The following ACVR1B variants were observed in gnomAD, a reference collection of about 807,000 sequenced individuals.
ACVR1B encodes the protein activin receptor type-1B.
ACVR1B carries 15 observed loss-of-function variants against 55.6 expected under a neutral mutation model. That is an observed-to-expected ratio of 0.27 (90% CI 0.18 to 0.42). The LOEUF (loss-of-function observed/expected upper bound fraction) is 0.42, where lower values mean the gene tolerates loss of function less well. ACVR1B is among the 10% of genes least tolerant of loss of function. The probability of loss-of-function intolerance (pLI) is 1.00; values close to 1 mark genes in which losing one functional copy is unlikely to be tolerated. For synonymous variants in ACVR1B, 247 were observed against 254.6 expected, an observed-to-expected ratio of 0.97 and a Z score of 0.28; for missense variants, 359 against 670.1, an observed-to-expected ratio of 0.54 and a Z score of 5.13.
chr12:51,964,962 A>G (rs1337756356), intron 1 of ACVR1B, among the ~76,000 whole-genome samples: 1 of 151,676 alleles, frequency 6.6e-6, no homozygotes, highest in Non-Finnish European at 1.5e-5. Context: ...TTCCATATGA[A>G]TTTTGGGATC....
In ACVR1B at chr12:51,985,289, T is replaced by A. The variant is rs1235502522; in HGVS notation, c.1077T>A (p.Arg359=). ...CAIADLGLAV[R]HDAVTDTIDI... is the part of the protein sequence containing the mutation. The stretch of plus-strand genomic sequence containing the variant: ...TAGCAGACCTGGGCCTGGCTGTCCG[T>A]CATGATGCAGTCACTGACACCATTG... Residue 359 remains arginine, a synonymous_variant, in exon 6 of 9, where the codon CGT becomes CGA. Transcript: ENST00000257963. The A allele has an allele frequency of 6.2e-7, 1 of 1,613,938 alleles. No individual in the cohort carries two copies. The highest frequency in any genetic ancestry group is 1.7e-5 in the Admixed American group (1 of 59,982).
intron 1 of ACVR1B, among the ~76,000 whole-genome samples, chr12:51,967,169 G>A (rs1941657978): frequency 6.6e-6 from 1 of 152,092 alleles, no homozygotes; most frequent in African/African-American, 2.4e-5. Context: ...GAACCCAGGA[G>A]GCAGAGTTTG....
Position 51,985,473 on chromosome 12 carries a change from A to G in ACVR1B, c.1136+125A>G, listed in dbSNP as rs1476787051. The G allele has an allele frequency of 1.2e-5, 14 of 1,153,266 alleles. No homozygotes were observed. In the East Asian group the frequency reaches 2.2e-4, roughly 18 times the overall value. The allele number at this position is 1,153,266 out of a possible 1,614,324, so 71.4% of individuals were successfully genotyped here. On this transcript the variant is annotated intron_variant, in intron 6 of 8. Coordinates refer to ENST00000257963, the MANE Select transcript of ACVR1B (RefSeq NM_004302.5). ...GAGGCGAGGACCTTGCTCTCAGCCC[A>G]CTGAAAGTTGAATTGAACATGCACT...
At chr12:51,989,112 C>G (rs1020868267) in intron 7 of ACVR1B, among the ~76,000 whole-genome samples, 1 of 151,908 alleles carries the variant, frequency 6.6e-6, no homozygotes, top group Admixed American at 6.6e-5. Flanking sequence ...AAAAATTAGC[C>G]GGGTGTAGTG....
chr12:51,996,203 C>G lies in ACVR1B; in HGVS notation c.*2093C>G, dbSNP rs1320996198. The G allele has an allele frequency of 6.6e-6, 1 of 152,354 alleles. No homozygotes were observed. Among genetic ancestry groups the G allele is most frequent in the Non-Finnish European group, 1.5e-5 (1 of 68,056 alleles). The allele number at this position is 152,354 out of a possible 1,614,324, so 9.4% of individuals were successfully genotyped here. Reference sequence around the variant, plus strand: ...TAGAACCCCAGGTGAGACCTCAAATCACTGCATTCATTCTGAGCCCCCTTC... The same window carrying G: ...TAGAACCCCAGGTGAGACCTCAAATGACTGCATTCATTCTGAGCCCCCTTC... On this transcript the variant is annotated 3_prime_UTR_variant, in exon 9 of 9. Transcript: ENST00000257963.
chr12:51,961,640 AACTGTGACAT>A (rs1324060936), intron 1 of ACVR1B, among the ~76,000 whole-genome samples: 20 of 152,226 alleles, frequency 1.3e-4, no homozygotes, highest in Admixed American at 3.9e-4. Context: ...TCTCACTCAA[AACTGTGACAT>A]ACACGGTCTC....
chr12:51,989,519 A>T (rs1942148580), intron 7 of ACVR1B, among the ~76,000 whole-genome samples: 1 of 152,060 alleles, frequency 6.6e-6, no homozygotes, highest in Non-Finnish European at 1.5e-5. Context: ...TCCTGACCTC[A>T]GGTGGTCCAC....
At chr12:51,982,616 T>C in intron 4 of ACVR1B, 1 of 1,419,040 alleles carries the variant, frequency 7.0e-7, no homozygotes, top group Non-Finnish European at 9.2e-7. Flanking sequence ...TGTGGCATGG[T>C]GCAATTTAGA....
chr12:51,951,817 G>C lies in ACVR1B; in HGVS notation c.74G>C (p.Gly25Ala). The C allele has an allele frequency of 7.8e-7, 1 of 1,277,712 alleles. No individual in the cohort carries two copies. Among genetic ancestry groups the C allele is most frequent in the East Asian group, 2.9e-5 (1 of 34,132 alleles). The allele number at this position is 1,277,712 out of a possible 1,614,324, so 79.1% of individuals were successfully genotyped here. ...VLLLAGSGGS[G>A]PRGVQALLCA... ...CTGCTCGCCGGCAGCGGCGGGTCCG[G>C]GCCCCGGGGGGTCCAGGGTGAGTCC... The change falls in exon 1 of 9, where the codon GGG becomes GCG. Residue 25 changes from glycine (G) to alanine (A), a missense_variant. Around this residue, in one of 5 missense-constraint regions of ACVR1B, gnomAD observed 48 missense variants for 40.6 expected, o/e 1.18. Transcript: ENST00000257963.
intron 4 of ACVR1B, among the ~76,000 whole-genome samples, chr12:51,983,305 T>C (rs557423094): frequency 6.6e-6 from 1 of 152,242 alleles, no homozygotes; most frequent in South Asian, 2.1e-4. Context: ...AAAGAGAAAA[T>C]AAAGTGTATG....
chr12:51,967,253 A>C (rs531774186), intron 1 of ACVR1B, among the ~76,000 whole-genome samples: 18 of 150,854 alleles, frequency 1.2e-4, no homozygotes, highest in Admixed American at 4.6e-4. Context: ...AAAAAACCAA[A>C]CAAACAAACA....
intron 8 of ACVR1B, 127 bp from the exon 9 acceptor site, chr12:51,993,858 G>C (rs989415382): frequency 1.8e-6 from 2 of 1,095,364 alleles, no homozygotes; most frequent in Non-Finnish European, 2.4e-6. Flanking sequence ...AAGGTCGGCC[G>C]CCGGGTGGAT....
At chr12:51,957,036 G>C (rs906202954) in intron 1 of ACVR1B, among the ~76,000 whole-genome samples, 7 of 151,918 alleles carry the variant, frequency 4.6e-5, no homozygotes, top group African/African-American at 1.7e-4. Flanking sequence ...CACCTGCTGA[G>C]ATTACGGGTA....
intron 1 of ACVR1B, among the ~76,000 whole-genome samples, chr12:51,959,295 A>G (rs568383698): frequency 2.6e-5 from 4 of 152,212 alleles, no homozygotes; most frequent in Non-Finnish European, 5.9e-5. Context: ...AGCTGATTGC[A>G]CAAGAGGAAA....
chr12:51,971,543 A>G (rs1230691647), intron 1 of ACVR1B, among the ~76,000 whole-genome samples: 2 of 152,238 alleles, frequency 1.3e-5, no homozygotes, highest in Non-Finnish European at 2.9e-5. Context: ...ATGAGTCACT[A>G]TGAAACAGAT....
intron 1 of ACVR1B, among the ~76,000 whole-genome samples, chr12:51,960,713 A>G (rs1266376113): frequency 6.6e-6 from 1 of 152,180 alleles, no homozygotes; most frequent in South Asian, 2.1e-4. Context: ...TAAATATTGT[A>G]CTGTGCTATA....
At chr12:51,977,974 G>A (rs896425328) in intron 3 of ACVR1B, among the ~76,000 whole-genome samples, 2 of 151,934 alleles carry the variant, frequency 1.3e-5, no homozygotes, top group Admixed American at 6.6e-5. Context: ...TTTCCTTGAC[G>A]TGGGACAAGA....
intron 7 of ACVR1B, among the ~76,000 whole-genome samples, chr12:51,991,230 A>G (rs1942186457): frequency 1.3e-5 from 2 of 152,114 alleles, no homozygotes; most frequent in African/African-American, 2.4e-5. Flanking sequence ...CTTTAAAAAT[A>G]TTTGTTTCCA....
At chr12:51,979,163 C>CAAAAA (rs1164099929) in intron 3 of ACVR1B, among the ~76,000 whole-genome samples, 1 of 57,104 alleles carries the variant, frequency 1.8e-5, no homozygotes, top group East Asian at 5.2e-4. Context: ...AGCTCCGTCT[C>CAAAAA]AAAAAAAAAA....
Sources: allele counts gnomAD v4.1 joint callset (sites outside exome capture counted in the v4.1 genomes callset), GRCh38; gene constraint gnomAD v4.1.1; regional missense constraint gnomAD v4.1.1; transcripts MANE v1.5; gene names NCBI Gene and HGNC (gene_info 2026-07-23, HGNC 2026-07-21).